Variants in KCNMA1 observed in about 807,000 individuals in gnomAD.
KCNMA1 encodes the protein Calcium-activated potassium channel subunit alpha-1.
KCNMA1 carries 29 observed loss-of-function variants against 140.0 expected under a neutral mutation model. That is an observed-to-expected ratio of 0.21 (90% CI 0.15 to 0.28). KCNMA1 has a LOEUF of 0.28. Ranked by LOEUF, KCNMA1 falls within the 10% of genes least tolerant of loss-of-function variation. The probability of loss-of-function intolerance (pLI) is 1.00; values close to 1 mark genes in which losing one functional copy is unlikely to be tolerated. For synonymous variants in KCNMA1, 612 were observed against 611.9 expected (o/e 1.00, Z 0.00); for missense variants, 880 against 1,602.2 (o/e 0.55, Z 7.70).
chr10:77,264,009 A>C (rs2062727339), intron 2 of KCNMA1, among the ~76,000 whole-genome samples: 1 of 152,220 alleles, frequency 6.6e-6, no homozygotes, highest in African/African-American at 2.4e-5. Flanking sequence ...TCTTACAGAC[A>C]AACTACCCTT....
chr10:77,037,684 C>G (rs1319242173), intron 15 of KCNMA1, among the ~76,000 whole-genome samples: 3 of 152,172 alleles, frequency 2.0e-5, no homozygotes, highest in Non-Finnish European at 2.9e-5. Flanking sequence ...GGAGCCCCTG[C>G]TGACACCCTC....
chr10:77,509,167 C>A (rs1415796778), intron 1 of KCNMA1, among the ~76,000 whole-genome samples: 3 of 152,024 alleles, frequency 2.0e-5, no homozygotes, highest in African/African-American at 7.3e-5. Flanking sequence ...GTCACCCAGG[C>A]TGGAGTGCAG....
At chr10:77,574,861 C>T (rs1042635258) in intron 1 of KCNMA1, among the ~76,000 whole-genome samples, 1 of 152,250 alleles carries the variant, frequency 6.6e-6, no homozygotes, top group Non-Finnish European at 1.5e-5. Context: ...TCTGGTGCTT[C>T]ATGATGCTTT....
At chr10:77,323,108 A>T (rs1304616009) in intron 2 of KCNMA1, among the ~76,000 whole-genome samples, 1 of 152,208 alleles carries the variant, frequency 6.6e-6, no homozygotes, top group African/African-American at 2.4e-5. Context: ...ATTTTAAAAA[A>T]GGGAATGTGG....
At chr10:77,332,803 T>A (rs150339778) in intron 2 of KCNMA1, among the ~76,000 whole-genome samples, 15 of 152,324 alleles carry the variant, frequency 9.8e-5, no homozygotes, top group African/African-American at 3.6e-4. Context: ...TGAAAGCCAC[T>A]TAATCAGCCT....
chr10:77,348,629 G>C (rs2092499627), intron 2 of KCNMA1, among the ~76,000 whole-genome samples: 1 of 152,148 alleles, frequency 6.6e-6, no homozygotes, highest in Non-Finnish European at 1.5e-5. Flanking sequence ...AAGAAGCTTT[G>C]TATATTTCTG....
At chr10:77,113,678 G>A (rs2097379145) in intron 6 of KCNMA1, among the ~76,000 whole-genome samples, 1 of 152,122 alleles carries the variant, frequency 6.6e-6, no homozygotes, top group Non-Finnish European at 1.5e-5. Flanking sequence ...TGGCCAGGCT[G>A]ATCTCGAACT....
chr10:77,063,996 CA>C, intron 14 of KCNMA1: 1 of 985,406 alleles, frequency 1.0e-6, no homozygotes, highest in South Asian at 4.7e-5. Context: ...TGGATTTTCG[CA>C]TTAAGTCCTG....
intron 1 of KCNMA1, among the ~76,000 whole-genome samples, chr10:77,616,316 G>A (rs1055000819): frequency 1.3e-5 from 2 of 152,172 alleles, no homozygotes; most frequent in African/African-American, 4.8e-5. Context: ...TGACCTAGGA[G>A]GTTATTGTCA....
chr10:77,421,380 A>G (rs985499405), intron 1 of KCNMA1, among the ~76,000 whole-genome samples: 10 of 152,190 alleles, frequency 6.6e-5, no homozygotes, highest in African/African-American at 1.4e-4. Context: ...CTGCTCCTTC[A>G]TAACACTCAA....
intron 14 of KCNMA1, among the ~76,000 whole-genome samples, chr10:77,055,686 T>C (rs1187077129): frequency 2.0e-5 from 3 of 152,186 alleles, no homozygotes; most frequent in African/African-American, 7.2e-5. Context: ...TATTGCTTTT[T>C]GTCTCTCTCT....
intron 5 of KCNMA1, among the ~76,000 whole-genome samples, chr10:77,121,980 C>G (rs984313718): frequency 1.3e-5 from 2 of 152,214 alleles, no homozygotes; most frequent in Non-Finnish European, 2.9e-5. Context: ...TGCAGACTTT[C>G]TAGAAGCATT....
intron 2 of KCNMA1, among the ~76,000 whole-genome samples, chr10:77,365,215 A>G (rs1002860566): frequency 4.0e-5 from 6 of 151,802 alleles, no homozygotes; most frequent in African/African-American, 1.2e-4. Context: ...TCACAATCTC[A>G]CTCTCTAGCA....
chr10:77,008,105 CAGAA>C, intron 18 of KCNMA1: 1 of 1,366,128 alleles, frequency 7.3e-7, no homozygotes, highest in Non-Finnish European at 1.0e-6. Context: ...TAAAACTGTA[CAGAA>C]AATTAAAAGA....
chr10:77,570,288 G>C (rs879878744), intron 1 of KCNMA1, among the ~76,000 whole-genome samples: 11 of 140,374 alleles, frequency 7.8e-5, no homozygotes, highest in Non-Finnish European at 1.7e-4. Flanking sequence ...ACATGCACAC[G>C]TATGTTTATT....
intron 1 of KCNMA1, among the ~76,000 whole-genome samples, chr10:77,632,376 G>A (rs143500556): frequency 1.5e-3 from 231 of 152,254 alleles, no homozygotes; most frequent in Middle Eastern, 3.4e-3. Flanking sequence ...GGATAACAGG[G>A]ATGGAATTTG....
At chr10:77,372,976 C>T (rs2154416571) in intron 2 of KCNMA1, 1 of 152,334 alleles carries the variant, frequency 6.6e-6, no homozygotes, top group South Asian at 2.1e-4. Flanking sequence ...TTGATATTTG[C>T]TACCAACTAA....
rs527927669 is a variant in KCNMA1 at position 77,044,799 on chromosome 10, C to T, written c.1750-5162G>A. On this transcript the variant is annotated intron_variant, in intron 14 of 27. Transcript: ENST00000286628. The stretch of plus-strand genomic sequence containing the variant: ...ACAGAGAGGTTAAGAAACCTGCTGA[C>T]AGTCACAAAGTGAATCCGTGGTACA... Among the ~76,000 whole-genome samples the T allele has an allele frequency of 2.6e-5, 4 of 152,288 alleles. No individual in the cohort carries two copies. The South Asian group carries it at 6.2e-4, about 24-fold the overall frequency.
At chr10:77,260,240 G>C (rs918882965) in intron 2 of KCNMA1, among the ~76,000 whole-genome samples, 1 of 152,194 alleles carries the variant, frequency 6.6e-6, no homozygotes, top group African/African-American at 2.4e-5. Flanking sequence ...CTGAGGTTGA[G>C]AATAGAAGAG....
Sources: gnomAD v4.1 joint callset for allele counts (sites outside exome capture counted in the v4.1 genomes callset) on GRCh38, gnomAD v4.1.1 for gene constraint, MANE v1.5 for transcripts, NCBI Gene and HGNC (gene_info 2026-07-23, HGNC 2026-07-21) for gene names.